Variants in ABCB7 observed in about 807,000 individuals in gnomAD.
ABCB7 encodes ATP binding cassette subfamily B member 7, also known as iron-sulfur clusters transporter ABCB7, mitochondrial.
Under a neutral mutation model 54.4 loss-of-function variants are expected in ABCB7, and 7 were observed. The observed-to-expected ratio is 0.13, with a 90% CI of 0.07 to 0.24. The LOEUF is 0.24. Ranked by LOEUF, ABCB7 falls within the 10% of genes least tolerant of loss-of-function variation. The pLI is 1.00. For missense variants in ABCB7, 356 were observed against 570.4 expected, an observed-to-expected ratio of 0.62 and a Z score of 3.83; for synonymous variants, 218 against 207.1, an observed-to-expected ratio of 1.05 and a Z score of -0.45.
At chrX:75,088,084 A>T (rs2081513931) in intron 4 of ABCB7, among the ~76,000 whole-genome samples, 1 of 111,927 alleles carries the variant, frequency 8.9e-6, no homozygotes, top group South Asian at 3.7e-4. Context: ...ATTCATTAAA[A>T]TTTTTTGTTC....
At chrX:75,135,263 C>G (rs891628861) in intron 1 of ABCB7, among the ~76,000 whole-genome samples, 1 of 110,126 alleles carries the variant, frequency 9.1e-6, no homozygotes, top group African/African-American at 3.3e-5. Flanking sequence ...TACAACCTCC[C>G]AAGATTGAAC....
intron 1 of ABCB7, 45 bp from the exon 2 acceptor site, chrX:75,114,876 C>G: frequency 3.0e-6 from 3 of 984,992 alleles, no homozygotes; most frequent in South Asian, 3.9e-5. Flanking sequence ...AGAGTGGACA[C>G]TTAATATTCA....
At chrX:75,119,002 C>A (rs1169222674) in intron 1 of ABCB7, among the ~76,000 whole-genome samples, 2 of 112,216 alleles carry the variant, frequency 1.8e-5, no homozygotes, top group East Asian at 2.8e-4. Context: ...AACCTTACAG[C>A]TACAGGATCT....
Position 75,053,045 on chromosome X carries a change from A to C in ABCB7, c.*325T>G. ...AGCATAAAGGTTTTAAAAACTATAA[A>C]AATTGGGAAACCAATCTGATTCATC... On this transcript the variant is annotated 3_prime_UTR_variant, in exon 16 of 16. Transcript: ENST00000373394. 4.2e-6 allele frequency: 1 copy of C among 239,804 alleles called. No homozygotes were observed. The highest frequency in any genetic ancestry group is 8.1e-5 in the South Asian group (1 of 12,346). The allele number at this position is 239,804 out of a possible 1,213,427, so 19.8% of individuals were successfully genotyped here.
intron 1 of ABCB7, among the ~76,000 whole-genome samples, chrX:75,134,789 A>G (rs2081998133): frequency 8.9e-6 from 1 of 112,075 alleles, no homozygotes. Flanking sequence ...GCAAATAAAG[A>G]TACAACATAC....
intron 4 of ABCB7, among the ~76,000 whole-genome samples, chrX:75,081,145 T>C (rs978333711): frequency 8.9e-6 from 1 of 111,732 alleles, no homozygotes; most frequent in Non-Finnish European, 1.9e-5. Flanking sequence ...ACTCTACATG[T>C]CCAGGTTTCA....
chrX:75,104,998 C>G (rs1384030114), intron 3 of ABCB7, among the ~76,000 whole-genome samples: 1 of 111,190 alleles, frequency 9.0e-6, no homozygotes, highest in Non-Finnish European at 1.9e-5. Context: ...CAGCATAAAC[C>G]TTCAATAAAC....
intron 4 of ABCB7, among the ~76,000 whole-genome samples, chrX:75,083,164 G>A (rs2081469230): frequency 9.0e-6 from 1 of 111,691 alleles, no homozygotes; most frequent in Non-Finnish European, 1.9e-5. Context: ...CAGCACTACT[G>A]ACAGTTTGGG....
chrX:75,087,253 G>A (rs1005496809), intron 4 of ABCB7, among the ~76,000 whole-genome samples: 12 of 111,468 alleles, frequency 1.1e-4, no homozygotes, highest in Non-Finnish European at 2.1e-4. Flanking sequence ...AACCCTCCCA[G>A]GCTGAGCCCC....
intron 3 of ABCB7, among the ~76,000 whole-genome samples, chrX:75,100,133 A>C (rs2147505945): frequency 9.0e-6 from 1 of 111,047 alleles, no homozygotes; most frequent in African/African-American, 3.3e-5. Flanking sequence ...TTATCTCCTA[A>C]AAATCTCTTG....
chrX:75,115,012 A>G lies in ABCB7; in HGVS notation c.169-181T>C, dbSNP rs778698951. 7.2e-5 allele frequency among the ~76,000 whole-genome samples: 8 copies of G among 111,309 alleles called. No individual in the cohort carries two copies. In the South Asian group the frequency reaches 1.1e-3, roughly 16 times the overall value. ...AGGCCGGGCCTGGTGGCTCACGCCT[A>G]TAATCCTGGCACTTTGGGAGGCTAA... On this transcript the variant is annotated intron_variant, in intron 1 of 15. Coordinates refer to ENST00000373394, the MANE Select transcript of ABCB7 (RefSeq NM_001271696.3).
intron 1 of ABCB7, among the ~76,000 whole-genome samples, chrX:75,153,756 G>GTATATATATATA (rs10626282): frequency 0.099 from 9,102 of 91,483 alleles, 397 homozygotes; most frequent in South Asian, 0.19. Flanking sequence ...GCGTGTGTGT[G>GTATATATATATA]TGTGTATATA....
chrX:75,150,870 A>C (rs747400286), intron 1 of ABCB7, among the ~76,000 whole-genome samples: 103 of 111,578 alleles, frequency 9.2e-4, no homozygotes, highest in Non-Finnish European at 1.6e-3. Context: ...TTATCATTTA[A>C]TCAAAATTTT....
intron 3 of ABCB7, among the ~76,000 whole-genome samples, chrX:75,108,689 T>C (rs762553963): frequency 9.1e-6 from 1 of 110,184 alleles, no homozygotes; most frequent in South Asian, 3.9e-4. Flanking sequence ...GAAATGACTT[T>C]AGAAGAAAAA....
rs1267699377 is a variant in ABCB7, at chrX:75,053,309, A to G, written c.*61T>C. On this transcript the variant is annotated 3_prime_UTR_variant, in exon 16 of 16. Coordinates refer to ENST00000373394, the MANE Select transcript of ABCB7 (RefSeq NM_001271696.3). ...AATGTATGATTTTTTTAATAAAACA[A>G]TTCTGCTTCAGTGCAAATATGTAGT... The G allele has an allele frequency of 8.5e-7, 1 of 1,179,087 alleles. No homozygotes were observed. The highest frequency in any genetic ancestry group is 3.0e-5 in the East Asian group (1 of 33,668).
chrX:75,113,108 A>C, intron 2 of ABCB7, 136 bp from the exon 3 acceptor site: 1 of 501,762 alleles, frequency 2.0e-6, no homozygotes, highest in Non-Finnish European at 3.5e-6. Context: ...TGGCATAGTA[A>C]AGCAAAACAC....
At chrX:75,057,597 T>C (rs1026244880) in intron 15 of ABCB7, among the ~76,000 whole-genome samples, 4 of 110,737 alleles carry the variant, frequency 3.6e-5, no homozygotes, top group African/African-American at 1.3e-4. Context: ...TGAGTTCCTT[T>C]TTTCTCTGTT....
At position 75,104,047 on chromosome X, in the gene ABCB7, G is replaced by GTTTTTTTGTTTTTTTTTTTT. The variant is rs2081663659; in HGVS notation, c.334-4987_334-4986insAAAAAAAAAAAACAAAAAAA. Reference sequence around the variant, plus strand: ...AAATGGGCATCCCTGTCTTGTTACAGTTTTTTTTTTTTTTTTTTTTTTTTT... The same window carrying GTTTTTTTGTTTTTTTTTTTT: ...AAATGGGCATCCCTGTCTTGTTACAGTTTTTTTGTTTTTTTTTTTTTTTTTTTTTTTTTTTTTTTTTTTTT... On this transcript the variant is annotated intron_variant, in intron 3 of 15. Transcript: ENST00000373394. Among the ~76,000 whole-genome samples, 18 of 13,448 alleles carry GTTTTTTTGTTTTTTTTTTTT rather than the reference G, an allele frequency of 1.3e-3. 1 individual carries two copies. Among genetic ancestry groups the GTTTTTTTGTTTTTTTTTTTT allele is most frequent in the Non-Finnish European group, 2.3e-3 (13 of 5,717 alleles). The allele number at this position is 13,448 out of a possible 115,157, so 11.7% of individuals were successfully genotyped here.
chrX:75,080,231 A>G (rs2081444760), intron 4 of ABCB7, among the ~76,000 whole-genome samples: 1 of 112,078 alleles, frequency 8.9e-6, no homozygotes, highest in African/African-American at 3.2e-5. Context: ...CAAGAGTCCA[A>G]TTGCTAAGTC....
Sources: allele counts gnomAD v4.1 joint callset (sites outside exome capture counted in the v4.1 genomes callset), GRCh38; gene constraint gnomAD v4.1.1; transcripts MANE v1.5; gene names NCBI Gene and HGNC (gene_info 2026-07-23, HGNC 2026-07-21).